Variants in LCLAT1 observed in about 807,000 individuals in gnomAD.
LCLAT1 encodes the protein 1-AGP acyltransferase 8.
LCLAT1 carries 11 observed loss-of-function variants against 30.7 expected under a neutral mutation model. The ratio of observed to expected loss-of-function variants is 0.36; its 90% CI spans 0.23 to 0.59. The LOEUF is 0.59. Ranked by LOEUF, LCLAT1 falls within the 20% of genes least tolerant of loss-of-function variation. The pLI, the probability that LCLAT1 is intolerant of heterozygous loss-of-function variation, is 0.77. For synonymous variants in LCLAT1, 155 were observed against 151.3 expected, an observed-to-expected ratio of 1.02 and a Z score of -0.18; for missense variants, 402 against 458.6, an observed-to-expected ratio of 0.88 and a Z score of 1.13.
At chr2:30,574,627 G>C (rs1347876572) in intron 5 of LCLAT1, among the ~76,000 whole-genome samples, 1 of 152,184 alleles carries the variant, frequency 6.6e-6, no homozygotes, top group Non-Finnish European at 1.5e-5. Context: ...TGGATTTAGA[G>C]TGTCTCAACT....
intron 5 of LCLAT1, among the ~76,000 whole-genome samples, chr2:30,586,855 C>G (rs185842100): frequency 6.6e-6 from 1 of 152,246 alleles, no homozygotes; most frequent in African/African-American, 2.4e-5. Context: ...TAAAAAAAAC[C>G]ATGCAACTAC....
intron 1 of LCLAT1, among the ~76,000 whole-genome samples, chr2:30,477,590 G>A (rs829640): frequency 0.095 from 14,441 of 152,088 alleles, 735 homozygotes; most frequent in East Asian, 0.13. Context: ...CACCCCTTAG[G>A]CTTCATCTCT....
chr2:30,579,283 G>T (rs1666116518), intron 5 of LCLAT1, among the ~76,000 whole-genome samples: 1 of 152,066 alleles, frequency 6.6e-6, no homozygotes, highest in Non-Finnish European at 1.5e-5. Flanking sequence ...CGAGAAGCTT[G>T]CCCTGTACAT....
chr2:30,465,400 A>G (rs1312716524), intron 1 of LCLAT1, among the ~76,000 whole-genome samples: 1 of 152,286 alleles, frequency 6.6e-6, no homozygotes, highest in East Asian at 1.9e-4. Flanking sequence ...CTTTTGTTCT[A>G]ATGATACTGC....
At chr2:30,572,035 A>G (rs1466855924) in intron 5 of LCLAT1, among the ~76,000 whole-genome samples, 1 of 152,176 alleles carries the variant, frequency 6.6e-6, no homozygotes, top group African/African-American at 2.4e-5. Context: ...AAATTATTCA[A>G]ATTTGCCTCA....
At chr2:30,548,209 C>T (rs560582576) in intron 3 of LCLAT1, among the ~76,000 whole-genome samples, 7 of 152,008 alleles carry the variant, frequency 4.6e-5, no homozygotes, top group Admixed American at 3.3e-4. Flanking sequence ...CGTTTGTTGA[C>T]GAAAAGAATC....
At chr2:30,470,545 T>C (rs1254373959) in intron 1 of LCLAT1, among the ~76,000 whole-genome samples, 2 of 152,210 alleles carry the variant, frequency 1.3e-5, no homozygotes, top group Non-Finnish European at 2.9e-5. Flanking sequence ...TTGGCCTATG[T>C]GCAGGAATGA....
chr2:30,533,743 G>A (rs7557289), intron 3 of LCLAT1, among the ~76,000 whole-genome samples: 74 of 152,160 alleles, frequency 4.9e-4, no homozygotes, highest in African/African-American at 1.7e-3. Flanking sequence ...GCTAGGTGCT[G>A]GTACTTTCTG....
At chr2:30,636,817 T>TGA (rs1278864809) in intron 5 of LCLAT1, among the ~76,000 whole-genome samples, 1 of 152,194 alleles carries the variant, frequency 6.6e-6, no homozygotes, top group African/African-American at 2.4e-5. Flanking sequence ...ACCACCTGTA[T>TGA]GAGAAAGGCT....
intron 3 of LCLAT1, among the ~76,000 whole-genome samples, chr2:30,550,134 A>C (rs1664615497): frequency 6.6e-6 from 1 of 152,234 alleles, no homozygotes; most frequent in Admixed American, 6.5e-5. Context: ...GTCAAACACA[A>C]GTTTGCATCA....
chr2:30,488,007 T>C (rs923347928), intron 1 of LCLAT1, among the ~76,000 whole-genome samples: 5 of 152,272 alleles, frequency 3.3e-5, no homozygotes, highest in Admixed American at 6.5e-5. Flanking sequence ...AACCATGGAG[T>C]TGTACACTTT....
chr2:30,608,904 A>G (rs1558553367), intron 5 of LCLAT1, among the ~76,000 whole-genome samples: 2 of 152,136 alleles, frequency 1.3e-5, no homozygotes, highest in Non-Finnish European at 2.9e-5. Context: ...TACATAATAG[A>G]TACTCCCCTC....
intron 1 of LCLAT1, among the ~76,000 whole-genome samples, chr2:30,449,334 G>T (rs893742139): frequency 6.6e-6 from 1 of 152,184 alleles, no homozygotes; most frequent in African/African-American, 2.4e-5. Context: ...CAAGCCAGTA[G>T]TTTTGTTTGT....
At chr2:30,604,173 C>T (rs1398672660) in intron 5 of LCLAT1, among the ~76,000 whole-genome samples, 1 of 152,136 alleles carries the variant, frequency 6.6e-6, no homozygotes, top group Non-Finnish European at 1.5e-5. Flanking sequence ...CATTTTGGGG[C>T]TACAACAGTG....
At chr2:30,545,927 T>C (rs977819838) in intron 3 of LCLAT1, among the ~76,000 whole-genome samples, 2 of 152,130 alleles carry the variant, frequency 1.3e-5, no homozygotes, top group South Asian at 2.1e-4. Context: ...ATTAAAGAGA[T>C]AGTGATTTAA....
intron 5 of LCLAT1, among the ~76,000 whole-genome samples, chr2:30,569,919 T>G (rs1481643239): frequency 6.6e-6 from 1 of 152,196 alleles, no homozygotes; most frequent in Non-Finnish European, 1.5e-5. Flanking sequence ...CAGTTCTTCA[T>G]GCCTGTGGAA....
At chr2:30,527,580 T>C (rs144147246) in intron 2 of LCLAT1, among the ~76,000 whole-genome samples, 3 of 152,288 alleles carry the variant, frequency 2.0e-5, no homozygotes, top group African/African-American at 7.2e-5. Context: ...TCACAGACAT[T>C]GCAGACAGAT....
At chr2:30,450,422 C>CTT (rs201144439) in intron 1 of LCLAT1, among the ~76,000 whole-genome samples, 33,805 of 152,118 alleles carry the variant, frequency 0.22, 3,831 homozygotes, top group East Asian at 0.35. Flanking sequence ...AGAGTGGGAA[C>CTT]TCTCCTGCGG....
chr2:30,586,633 C>T (rs1297781331), intron 5 of LCLAT1, among the ~76,000 whole-genome samples: 1 of 152,298 alleles, frequency 6.6e-6, no homozygotes, highest in South Asian at 2.1e-4. Flanking sequence ...CAACACAGTA[C>T]GGTTGCTGAC....
Sources: gnomAD v4.1 joint callset for allele counts (sites outside exome capture counted in the v4.1 genomes callset) on GRCh38, gnomAD v4.1.1 for gene constraint, MANE v1.5 for transcripts, NCBI Gene and HGNC (gene_info 2026-07-23, HGNC 2026-07-21) for gene names.